Variants in PELI1 observed in about 807,000 individuals in gnomAD.
The protein encoded by PELI1 is pellino E3 ubiquitin protein ligase 1.
A neutral mutation model predicts 41.3 loss-of-function variants in PELI1; 15 were observed. That is an observed-to-expected ratio of 0.36 (90% CI 0.24 to 0.56). The LOEUF (loss-of-function observed/expected upper bound fraction) is 0.56, where lower values mean the gene tolerates loss of function less well. Among genes scored for constraint, PELI1 ranks in the 20% least tolerant of loss-of-function variants. The pLI is 0.82. For missense variants in PELI1, 403 were observed against 525.5 expected, an observed-to-expected ratio of 0.77 and a Z score of 2.28; for synonymous variants, 178 against 180.1, an observed-to-expected ratio of 0.99 and a Z score of 0.09.
Position 64,100,405 on chromosome 2 carries a change from A to G in PELI1, c.296T>C (p.Met99Thr). 1 of 1,488,352 alleles carries G rather than the reference A, an allele frequency of 6.7e-7. No individual in the cohort carries two copies. The highest frequency in any genetic ancestry group is 9.4e-7 in the Non-Finnish European group (1 of 1,066,148). The allele number at this position is 1,488,352 out of a possible 1,614,324, so 92.2% of individuals were successfully genotyped here. ...VEYTHDSNTD[M>T]FQIGRSTESP... ...TTTAAGATGTTGTAATACCTGAAAC[A>G]TATCGGTGTTGCTGTCATGAGTATA... Residue 99 changes from methionine to threonine, a missense_variant, in exon 4 of 7, where the codon ATG becomes ACG. Transcript: ENST00000358912.
At chr2:64,129,687 T>C (rs1421578607) in intron 1 of PELI1, among the ~76,000 whole-genome samples, 2 of 152,208 alleles carry the variant, frequency 1.3e-5, no homozygotes, top group East Asian at 3.8e-4. Flanking sequence ...AAAGTCACAC[T>C]GTATCTTCAA....
In PELI1 at chr2:64,100,337, C is replaced by A. The variant is rs148438108; in HGVS notation, c.303+61G>T. On this transcript the variant is annotated intron_variant, in intron 4 of 6. Coordinates refer to ENST00000358912, the MANE Select transcript of PELI1 (RefSeq NM_020651.4). ...AATCCTCTGACCTCAGCAAAAGTCA[C>A]CAACAATAGATTTTTAACTTTTTCG... is the stretch of plus-strand genomic sequence containing the variant. 324 of 838,202 alleles carry A rather than the reference C, an allele frequency of 3.9e-4. 2 individuals are homozygous for A. The African/African-American group carries it at 4.9e-3, about 13-fold the overall frequency. 51.9% of individuals were successfully genotyped at this position (838,202 alleles called of 1,614,324 possible).
chr2:64,098,103 T>G (rs1680304938), intron 4 of PELI1, among the ~76,000 whole-genome samples: 1 of 152,122 alleles, frequency 6.6e-6, no homozygotes, highest in African/African-American at 2.4e-5. Context: ...AGAGAATATT[T>G]AAGACACTGA....
chr2:64,112,603 T>TA (rs1553356348), intron 1 of PELI1, among the ~76,000 whole-genome samples: 4 of 152,244 alleles, frequency 2.6e-5, no homozygotes, highest in Non-Finnish European at 4.4e-5. Context: ...GGGGATATTT[T>TA]ATCAGTGACA....
intron 1 of PELI1, 115 bp from the exon 2 acceptor site, chr2:64,108,494 A>G: frequency 2.0e-6 from 1 of 500,254 alleles, no homozygotes; most frequent in South Asian, 3.2e-5. Context: ...CACAAGGTAT[A>G]TACATTTTAT....
chr2:64,103,848 G>A (rs1680529111), intron 3 of PELI1, among the ~76,000 whole-genome samples: 1 of 152,130 alleles, frequency 6.6e-6, no homozygotes, highest in South Asian at 2.1e-4. Context: ...AAAGATACAG[G>A]TACTTCCAGG....
At chr2:64,107,974 G>A (rs1443362249) in intron 2 of PELI1, among the ~76,000 whole-genome samples, 5 of 151,988 alleles carry the variant, frequency 3.3e-5, no homozygotes, top group Admixed American at 6.6e-5. Flanking sequence ...CACCATGCCC[G>A]GACTTTCCAT....
chr2:64,117,079 T>C (rs1313052510), intron 1 of PELI1, among the ~76,000 whole-genome samples: 1 of 152,160 alleles, frequency 6.6e-6, no homozygotes, highest in African/African-American at 2.4e-5. Flanking sequence ...CTCCCATCTC[T>C]GCTCACTCTC....
intron 1 of PELI1, among the ~76,000 whole-genome samples, chr2:64,140,810 A>AAAAAAAC (rs1681884537): frequency 6.8e-6 from 1 of 147,228 alleles, no homozygotes; most frequent in African/African-American, 2.5e-5. Flanking sequence ...CAAACAAACA[A>AAAAAAAC]AAAAAAACCT....
At chr2:64,119,962 G>A (rs1256692364) in intron 1 of PELI1, among the ~76,000 whole-genome samples, 1 of 152,160 alleles carries the variant, frequency 6.6e-6, no homozygotes, top group South Asian at 2.1e-4. Flanking sequence ...GCACTATTAA[G>A]TGAAACTGAT....
At position 64,104,940 on chromosome 2, in the gene PELI1, A is replaced by C. The variant is rs1680572661; in HGVS notation, c.72-110T>G. 8 of 821,698 alleles carry C rather than the reference A, an allele frequency of 9.7e-6. 1 individual carries two copies. In the South Asian group the frequency reaches 1.9e-4, roughly 19 times the overall value. The allele number at this position is 821,698 out of a possible 1,614,324, so 50.9% of individuals were successfully genotyped here. A position where few individuals can be genotyped will look rare whatever the true frequency, so the allele number is the denominator to read the frequency against. ...AATTCCCAATTAATTATCTATTAACACATTATAATTATTTAAAATTCCTTT... is the reference window on the plus strand; with the variant it reads ...AATTCCCAATTAATTATCTATTAACCCATTATAATTATTTAAAATTCCTTT... On this transcript the variant is annotated intron_variant, in intron 2 of 6. Coordinates refer to ENST00000358912, the MANE Select transcript of PELI1 (RefSeq NM_020651.4).
chr2:64,108,686 T>C (rs1680701467), intron 1 of PELI1, among the ~76,000 whole-genome samples: 1 of 152,174 alleles, frequency 6.6e-6, no homozygotes, highest in Non-Finnish European at 1.5e-5. Flanking sequence ...CTGTGAAAAG[T>C]GGAGAGAAGG....
At position 64,094,664 on chromosome 2, in the gene PELI1, T is replaced by C. The variant is rs1270880590; in HGVS notation, c.*38A>G. The C allele has an allele frequency of 2.0e-6, 3 of 1,500,330 alleles. No homozygotes were observed. The highest frequency in any genetic ancestry group is 1.2e-5 in the South Asian group (1 of 85,124). The allele number at this position is 1,500,330 out of a possible 1,614,324, so 92.9% of individuals were successfully genotyped here. On this transcript the variant is annotated 3_prime_UTR_variant, in exon 7 of 7. Transcript: ENST00000358912. Reference sequence around the variant, plus strand: ...GTTCGAAAACCCAACTCACTTAGCTTATAAATTTATAATGTAGTCCTGCAA... The same window carrying C: ...GTTCGAAAACCCAACTCACTTAGCTCATAAATTTATAATGTAGTCCTGCAA...
intron 1 of PELI1, among the ~76,000 whole-genome samples, chr2:64,121,491 T>C (rs1212358059): frequency 2.0e-5 from 3 of 152,236 alleles, no homozygotes; most frequent in African/African-American, 7.2e-5. Context: ...ACTGAGAGTA[T>C]AAAAATTCCT....
At chr2:64,099,448 CTTAT>C (rs1680352298) in intron 4 of PELI1, among the ~76,000 whole-genome samples, 1 of 152,160 alleles carries the variant, frequency 6.6e-6, no homozygotes, top group Non-Finnish European at 1.5e-5. Context: ...CCTTAAAGAT[CTTAT>C]TTATTTTTGG....
Position 64,096,546 on chromosome 2 carries a change from C to T in PELI1, c.368G>A (p.Ser123Asn), listed in dbSNP as rs760071029. The stretch of plus-strand genomic sequence containing the variant: ...TTGTACTGACTGTGTATCAGAATTA[C>T]TTTGACTTCCAGGAACCGTGTCAGT... ...VVTDTVPGSQSNSDTQSVQST... is the reference protein window; with the variant it reads ...VVTDTVPGSQNNSDTQSVQST... The change falls in exon 5 of 7, where the codon AGT (serine) becomes AAT (asparagine). Residue 123 changes from serine to asparagine, a missense_variant. Ser to Asn is a conservative substitution (Grantham distance 46). Transcript: ENST00000358912. 8 of 1,612,682 alleles carry T rather than the reference C, an allele frequency of 5.0e-6. No homozygotes were observed. The highest frequency in any genetic ancestry group is 5.9e-6 in the Non-Finnish European group (7 of 1,178,942).
At chr2:64,120,756 A>C (rs1400763593) in intron 1 of PELI1, among the ~76,000 whole-genome samples, 2 of 152,222 alleles carry the variant, frequency 1.3e-5, no homozygotes, top group Non-Finnish European at 2.9e-5. Context: ...GGAATCATTC[A>C]AAGTCCCACC....
Position 64,095,134 on chromosome 2 carries a change from G to C in PELI1, c.825C>G (p.Ile275Met). Residue 275 changes from isoleucine to methionine, a missense_variant, in exon 7 of 7, where the codon ATC becomes ATG. Physicochemically the swap from Ile to Met is conservative, Grantham distance 10. Coordinates refer to ENST00000358912, the MANE Select transcript of PELI1 (RefSeq NM_020651.4). ...CAGGGCACTGAGGTCGTGCTGCATTGATTTCCTGTCTTAAAGCTTCTAAAT... is the reference window on the plus strand; with the variant it reads ...CAGGGCACTGAGGTCGTGCTGCATTCATTTCCTGTCTTAAAGCTTCTAAAT... ...VKHLEALRQE[I>M]NAARPQCPVG... 1 of 1,614,144 alleles carries C rather than the reference G, an allele frequency of 6.2e-7. No individual in the cohort carries two copies. Among genetic ancestry groups the C allele is most frequent in the African/African-American group, 1.3e-5 (1 of 75,050 alleles).
intron 1 of PELI1, among the ~76,000 whole-genome samples, chr2:64,124,974 C>T (rs1450125636): frequency 6.6e-6 from 1 of 151,518 alleles, no homozygotes; most frequent in Non-Finnish European, 1.5e-5. Flanking sequence ...TTTACTGGTA[C>T]AGCTCACAGA....
Sources: allele counts gnomAD v4.1 joint callset (sites outside exome capture counted in the v4.1 genomes callset), GRCh38; gene constraint gnomAD v4.1.1; transcripts MANE v1.5; gene names NCBI Gene and HGNC (gene_info 2026-07-23, HGNC 2026-07-21).